ZNF385C: variants seen among roughly 807,000 people sequenced by gnomAD.
The protein encoded by ZNF385C is zinc finger protein 385C.
In ZNF385C, 28 loss-of-function variants were observed where a neutral mutation model predicts 35.4. That is an observed-to-expected ratio of 0.79 (90% CI 0.59 to 1.08). The LOEUF is 1.08. Ranked by LOEUF, ZNF385C falls within the 50% of genes least tolerant of loss-of-function variation. The pLI, the probability that ZNF385C is intolerant of heterozygous loss-of-function variation, is 0.00. For missense variants in ZNF385C, 605 were observed against 595.6 expected, an observed-to-expected ratio of 1.02 and a Z score of -0.16; for synonymous variants, 248 against 248.2, an observed-to-expected ratio of 1.00 and a Z score of 0.01.
At chr17:42,083,689 CT>C (rs2143934675) in intron 1 of ZNF385C, among the ~76,000 whole-genome samples, 1 of 86,138 alleles carries the variant, frequency 1.2e-5, no homozygotes, top group South Asian at 3.7e-4. Context: ...ATGTAACTTT[CT>C]GTATTGCTTT....
intron 1 of ZNF385C, among the ~76,000 whole-genome samples, chr17:42,082,834 T>A (rs1364421874): frequency 6.6e-6 from 1 of 152,130 alleles, no homozygotes; most frequent in East Asian, 1.9e-4. Context: ...TCCCAGCACT[T>A]TGGGAGGCCA....
chr17:42,037,715 C>T (rs2052892644), intron 3 of ZNF385C, 22 bp downstream of exon 3: 2 of 1,496,890 alleles, frequency 1.3e-6, no homozygotes. Flanking sequence ...TGCATGCCCC[C>T]ACCCGCCAGC....
At chr17:42,070,243 C>G (rs1392899014) in intron 1 of ZNF385C, among the ~76,000 whole-genome samples, 4 of 152,032 alleles carry the variant, frequency 2.6e-5, no homozygotes, top group African/African-American at 9.7e-5. Context: ...ACTCAGGAGG[C>G]TGAGGCAGGA....
At chr17:42,064,522 T>TA (rs1217595786) in intron 1 of ZNF385C, among the ~76,000 whole-genome samples, 69 of 152,192 alleles carry the variant, frequency 4.5e-4, no homozygotes, top group Non-Finnish European at 9.0e-4. Context: ...GTAATTAAGT[T>TA]AATGAGGTCA....
intron 2 of ZNF385C, among the ~76,000 whole-genome samples, chr17:42,058,450 G>A (rs1378977242): frequency 6.6e-6 from 1 of 152,190 alleles, no homozygotes; most frequent in Non-Finnish European, 1.5e-5. Context: ...CTTAGCCTCA[G>A]CCTCCCTGGA....
chr17:42,096,858 G>A (rs1483455258), intron 1 of ZNF385C, among the ~76,000 whole-genome samples: 14 of 151,748 alleles, frequency 9.2e-5, no homozygotes, highest in African/African-American at 3.4e-4. Context: ...AAAAGAGGAG[G>A]AGGTGAGGGG....
At chr17:42,079,419 T>G (rs1598203312) in intron 1 of ZNF385C, among the ~76,000 whole-genome samples, 1 of 143,340 alleles carries the variant, frequency 7.0e-6, no homozygotes, top group African/African-American at 2.6e-5. Context: ...CCAGGCACAG[T>G]GGCTCACGCC....
chr17:42,068,173 T>C (rs868972606), intron 1 of ZNF385C, among the ~76,000 whole-genome samples: 2 of 152,074 alleles, frequency 1.3e-5, no homozygotes, highest in African/African-American at 4.8e-5. Flanking sequence ...GGGTGGGCAG[T>C]GACGGGGGCA....
intron 1 of ZNF385C, among the ~76,000 whole-genome samples, chr17:42,063,782 C>A (rs1352808378): frequency 6.6e-6 from 1 of 152,148 alleles, no homozygotes; most frequent in African/African-American, 2.4e-5. Context: ...CAAGCGCTGG[C>A]AATCCTGTGA....
chr17:42,060,576 C>T (rs1173602800), intron 2 of ZNF385C, among the ~76,000 whole-genome samples: 1 of 152,078 alleles, frequency 6.6e-6, no homozygotes, highest in African/African-American at 2.4e-5. Flanking sequence ...TGCCCCTCCC[C>T]ACCCAAAGAG....
intron 1 of ZNF385C, among the ~76,000 whole-genome samples, chr17:42,086,053 G>A (rs1156828325): frequency 1.3e-5 from 2 of 152,118 alleles, no homozygotes; most frequent in African/African-American, 4.8e-5. Flanking sequence ...GGGCAGCAGA[G>A]CAAGATCTTG....
intron 1 of ZNF385C, among the ~76,000 whole-genome samples, chr17:42,083,675 A>C (rs2053773485): frequency 1.5e-5 from 2 of 136,842 alleles, no homozygotes; most frequent in Non-Finnish European, 3.1e-5. Flanking sequence ...AAGTTTTTAC[A>C]TCCATGTAAC....
chr17:42,042,218 A>C (rs1555656193), intron 2 of ZNF385C, among the ~76,000 whole-genome samples: 1 of 151,996 alleles, frequency 6.6e-6, no homozygotes, highest in Non-Finnish European at 1.5e-5. Context: ...TGTTTAAAAA[A>C]AACCAAAAAA....
intron 5 of ZNF385C, among the ~76,000 whole-genome samples, chr17:42,029,302 A>T (rs1224094346): frequency 6.6e-6 from 1 of 152,204 alleles, no homozygotes; most frequent in Non-Finnish European, 1.5e-5. Context: ...TCATATCCTT[A>T]TTTGCTAACT....
intron 2 of ZNF385C, chr17:42,041,133 T>TGG (rs1260155768): frequency 8.1e-7 from 1 of 1,232,102 alleles, no homozygotes; most frequent in African/African-American, 1.6e-5. Flanking sequence ...GCCCCACATA[T>TGG]GGGGATGCCT....
At chr17:42,042,903 G>A in intron 2 of ZNF385C, 1 of 1,232,444 alleles carries the variant, frequency 8.1e-7, no homozygotes, top group Non-Finnish European at 1.0e-6. Flanking sequence ...CCTGGCACAG[G>A]TTGAACCTCT....
chr17:42,051,143 G>A (rs74603967), intron 2 of ZNF385C, among the ~76,000 whole-genome samples: 4,855 of 151,954 alleles, frequency 0.032, 256 homozygotes, highest in African/African-American at 0.11. Flanking sequence ...GAAGAATTGG[G>A]GTGGGTGGGG....
At chr17:42,035,848 C>T (rs2052843943) in intron 3 of ZNF385C, among the ~76,000 whole-genome samples, 1 of 152,016 alleles carries the variant, frequency 6.6e-6, no homozygotes. Context: ...GCCACCGTGC[C>T]CAGCCATGAC....
At chr17:42,082,242 C>T (rs572771850) in intron 1 of ZNF385C, among the ~76,000 whole-genome samples, 8 of 152,172 alleles carry the variant, frequency 5.3e-5, no homozygotes, top group Non-Finnish European at 7.4e-5. Context: ...GCACCAAGCC[C>T]AGCACCTCAC....
Sources: allele counts gnomAD v4.1 joint callset (sites outside exome capture counted in the v4.1 genomes callset), GRCh38; gene constraint gnomAD v4.1.1; transcripts MANE v1.5; gene names NCBI Gene and HGNC (gene_info 2026-07-23, HGNC 2026-07-21).